The following SNTG1 variants were observed in gnomAD, a reference collection of about 807,000 sequenced individuals.
SNTG1 encodes the protein syntrophin gamma 1, also known as gamma-1-syntrophin.
SNTG1 carries 39 observed loss-of-function variants against 74.7 expected under a neutral mutation model. The ratio of observed to expected loss-of-function variants is 0.52; its 90% CI spans 0.40 to 0.68. The LOEUF is 0.68. Among genes scored for constraint, SNTG1 ranks in the 30% least tolerant of loss-of-function variants. The pLI, the probability that SNTG1 is intolerant of heterozygous loss-of-function variation, is 0.00. For missense variants in SNTG1, 685 were observed against 609.5 expected (o/e 1.12, Z -1.30); for synonymous variants, 254 against 217.1 (o/e 1.17, Z -1.49).
At chr8:50,221,137 ATCT>A (rs1436021841) in intron 2 of SNTG1, among the ~76,000 whole-genome samples, 4 of 152,238 alleles carry the variant, frequency 2.6e-5, no homozygotes, top group East Asian at 1.9e-4. Context: ...ATTAAAGGAA[ATCT>A]TCTAAGTAAC....
At chr8:50,211,045 T>C (rs2084498114) in intron 2 of SNTG1, among the ~76,000 whole-genome samples, 1 of 152,154 alleles carries the variant, frequency 6.6e-6, no homozygotes, top group South Asian at 2.1e-4. Flanking sequence ...AGAATCCATG[T>C]TGTTAAACAA....
intron 15 of SNTG1, among the ~76,000 whole-genome samples, chr8:50,669,335 G>A (rs562168394): frequency 1.1e-4 from 16 of 151,794 alleles, no homozygotes; most frequent in Non-Finnish European, 1.3e-4. Flanking sequence ...TCAAATAGAC[G>A]CAATAAAAAA....
intron 13 of SNTG1, among the ~76,000 whole-genome samples, chr8:50,630,723 G>GAGA (rs1159554503): frequency 4.5e-4 from 68 of 152,250 alleles, no homozygotes; most frequent in African/African-American, 1.6e-3. Flanking sequence ...TTTTACTTGA[G>GAGA]AGTTATACCC....
At chr8:50,548,902 G>A (rs774775883) in intron 11 of SNTG1, among the ~76,000 whole-genome samples, 5 of 152,194 alleles carry the variant, frequency 3.3e-5, no homozygotes, top group Admixed American at 1.3e-4. Flanking sequence ...AATACAGCCT[G>A]AGGTGTGCAG....
chr8:50,382,408 A>G (rs914290676), intron 2 of SNTG1: 6 of 152,192 alleles, frequency 3.9e-5, no homozygotes, highest in African/African-American at 1.4e-4. Flanking sequence ...ATCTAGAAAT[A>G]TGCGCTACTA....
intron 15 of SNTG1, among the ~76,000 whole-genome samples, chr8:50,684,925 C>T (rs1253529465): frequency 5.8e-5 from 7 of 119,916 alleles, no homozygotes; most frequent in Non-Finnish European, 1.1e-4. Context: ...GTGTGATATT[C>T]CCCTTCCTGT....
intron 2 of SNTG1, among the ~76,000 whole-genome samples, chr8:50,330,906 C>A (rs962003381): frequency 6.6e-6 from 1 of 152,168 alleles, no homozygotes; most frequent in Non-Finnish European, 1.5e-5. Flanking sequence ...ACCTCCCTCC[C>A]TTGACATGTG....
intron 15 of SNTG1, among the ~76,000 whole-genome samples, chr8:50,696,777 A>T (rs1043402674): frequency 6.6e-6 from 1 of 151,820 alleles, no homozygotes; most frequent in Admixed American, 6.6e-5. Context: ...TATTTCTGGG[A>T]TCTCTCTTCT....
chr8:50,346,218 T>C (rs1208599179), intron 2 of SNTG1, among the ~76,000 whole-genome samples: 2 of 152,252 alleles, frequency 1.3e-5, no homozygotes, highest in East Asian at 3.8e-4. Context: ...ATCAACACCA[T>C]TTTCCCAACA....
chr8:50,397,683 G>T (rs1158606331), intron 3 of SNTG1, among the ~76,000 whole-genome samples: 2 of 152,154 alleles, frequency 1.3e-5, no homozygotes, highest in Non-Finnish European at 2.9e-5. Context: ...GGAGATTATT[G>T]ATAACCATAA....
intron 1 of SNTG1, among the ~76,000 whole-genome samples, chr8:50,058,395 CA>C (rs1820201922): frequency 6.6e-6 from 1 of 152,056 alleles, no homozygotes; most frequent in African/African-American, 2.4e-5. Flanking sequence ...GGCTAGAAAC[CA>C]CACACCTTAT....
chr8:50,438,633 C>G, intron 5 of SNTG1, 34 bp downstream of exon 5: 1 of 1,559,310 alleles, frequency 6.4e-7, no homozygotes, highest in South Asian at 1.1e-5. Flanking sequence ...CTTACAAAGG[C>G]CATGCCATAA....
At chr8:50,755,412 C>T (rs2095577910) in intron 18 of SNTG1, among the ~76,000 whole-genome samples, 1 of 151,806 alleles carries the variant, frequency 6.6e-6, no homozygotes. Flanking sequence ...TAAGTTTCTT[C>T]CATGTCTTTT....
intron 18 of SNTG1, among the ~76,000 whole-genome samples, chr8:50,763,734 A>T (rs774861595): frequency 6.9e-6 from 1 of 144,354 alleles, no homozygotes; most frequent in African/African-American, 2.6e-5. Context: ...GTGTTCAGGG[A>T]TTGGAAAAAT....
At chr8:50,065,472 C>T (rs1357379633) in intron 1 of SNTG1, among the ~76,000 whole-genome samples, 2 of 152,076 alleles carry the variant, frequency 1.3e-5, no homozygotes, top group Non-Finnish European at 2.9e-5. Flanking sequence ...AGTTGCTAGG[C>T]ATTTCTTTGG....
In SNTG1 at chr8:50,259,518, AAG is replaced by A. The variant is rs1320552204; in HGVS notation, c.-28+86885_-28+86886del. ...TGTCTCAAAAAAAAAAAAAGAAAGA[AAG>A]AAAGAAAGAAAGAAAGAAAGAAAGA... On this transcript the variant is annotated intron_variant, in intron 2 of 18. Coordinates refer to ENST00000642720, the MANE Select transcript of SNTG1 (RefSeq NM_018967.5). Among the ~76,000 whole-genome samples, 3 of 8,728 alleles carry A rather than the reference AAG, an allele frequency of 3.4e-4. 1 individual carries two copies. The highest frequency in any genetic ancestry group is 3.9e-4 in the African/African-American group (3 of 7,698). The allele number at this position is 8,728 out of a possible 152,430, so 5.7% of individuals were successfully genotyped here. A position where few individuals can be genotyped will look rare whatever the true frequency, so the allele number is the denominator to read the frequency against.
chr8:50,771,881 G>C (rs1466849613), intron 18 of SNTG1, among the ~76,000 whole-genome samples: 2 of 152,080 alleles, frequency 1.3e-5, no homozygotes, highest in Non-Finnish European at 2.9e-5. Context: ...GGCACAAGCA[G>C]TAAGCCTTGG....
At chr8:49,954,843 A>G (rs1356076336) in intron 1 of SNTG1, among the ~76,000 whole-genome samples, 5 of 152,158 alleles carry the variant, frequency 3.3e-5, no homozygotes, top group Admixed American at 3.3e-4. Flanking sequence ...GAAACTTTGT[A>G]TTCTAGAAAT....
intron 1 of SNTG1, among the ~76,000 whole-genome samples, chr8:50,143,508 T>G (rs1212792072): frequency 1.3e-5 from 2 of 152,192 alleles, no homozygotes; most frequent in Non-Finnish European, 2.9e-5. Context: ...TATTAAAGAC[T>G]TATTCATATT....
Sources: allele counts gnomAD v4.1 joint callset (sites outside exome capture counted in the v4.1 genomes callset), GRCh38; gene constraint gnomAD v4.1.1; transcripts MANE v1.5; gene names NCBI Gene and HGNC (gene_info 2026-07-23, HGNC 2026-07-21).